CLSTN3: variants seen among roughly 807,000 people sequenced by gnomAD.
The protein encoded by CLSTN3 is calsyntenin-3.
A neutral mutation model predicts 95.9 loss-of-function variants in CLSTN3; 36 were observed. The observed-to-expected ratio is 0.38, with a 90% CI of 0.29 to 0.50. CLSTN3 has a LOEUF of 0.50. Among genes scored for constraint, CLSTN3 ranks in the 20% least tolerant of loss-of-function variants. The probability of loss-of-function intolerance (pLI) is 0.95; values close to 1 mark genes in which losing one functional copy is unlikely to be tolerated. For synonymous variants in CLSTN3, 481 were observed against 504.0 expected, an observed-to-expected ratio of 0.95 and a Z score of 0.61; for missense variants, 1,084 against 1,268.8, an observed-to-expected ratio of 0.85 and a Z score of 2.21.
Position 7,141,975 on chromosome 12 carries a change from T to TGGGC in CLSTN3, c.1487-110_1487-107dup, listed in dbSNP as rs1302234888. 1.1e-5 allele frequency: 9 copies of TGGGC among 795,714 alleles called. 1 individual carries two copies. In the South Asian group the frequency reaches 1.6e-4, roughly 14 times the overall value. The allele number at this position is 795,714 out of a possible 1,614,324, so 49.3% of individuals were successfully genotyped here. On this transcript the variant is annotated intron_variant, in intron 9 of 17. Coordinates refer to ENST00000266546, the MANE Select transcript of CLSTN3 (RefSeq NM_014718.4). The surrounding 1 kb of genome is among the most constrained non-coding windows in gnomAD (Gnocchi z 4.1). ...ACATGGGCAGGGTCAGAATCCCATG[T>TGGGC]GGGCATGAGAGCACTCATGGGGATG...
chr12:7,149,970 C>A lies in CLSTN3; in HGVS notation c.2245+277C>A, dbSNP rs943582803. On this transcript the variant is annotated intron_variant, in intron 14 of 17. Coordinates refer to ENST00000266546, the MANE Select transcript of CLSTN3 (RefSeq NM_014718.4). This position sits in a 1 kb window ranked among gnomAD's most constrained non-coding sequence, Gnocchi z 4.5. Reference sequence around the variant, plus strand: ...GTTTCCATTCAGGCTTCTCACCTTCCTCTCCTCCTTCGGCTCATCTCTGCC... The same window carrying A: ...GTTTCCATTCAGGCTTCTCACCTTCATCTCCTCCTTCGGCTCATCTCTGCC... 2.6e-5 allele frequency among the ~76,000 whole-genome samples: 4 copies of A among 152,212 alleles called. No individual in the cohort carries two copies. The highest frequency in any genetic ancestry group is 9.7e-5 in the African/African-American group (4 of 41,450).
Position 7,133,292 on chromosome 12 carries a change from A to ATTCTTCAGTGGAGAC in CLSTN3, c.187+146_187+147insTTCTTCAGTGGAGAC. 1.9e-6 allele frequency: 2 copies of ATTCTTCAGTGGAGAC among 1,061,058 alleles called. No individual in the cohort carries two copies. Among genetic ancestry groups the ATTCTTCAGTGGAGAC allele is most frequent in the Non-Finnish European group, 2.7e-6 (2 of 735,734 alleles). 65.7% of individuals were successfully genotyped at this position (1,061,058 alleles called of 1,614,324 possible). ...GGGCTCAAGGAGGGGAATGGTCTCCACTGAAGAATGGAGATTGAGTCAAGG... is the reference window on the plus strand; with the variant it reads ...GGGCTCAAGGAGGGGAATGGTCTCCATTCTTCAGTGGAGACCTGAAGAATGGAGATTGAGTCAAGG... On this transcript the variant is annotated intron_variant, in intron 2 of 17. Transcript: ENST00000266546. The surrounding 1 kb of genome is among the most constrained non-coding windows in gnomAD (Gnocchi z 4.7).
intron 6 of CLSTN3, 82 bp from the exon 7 acceptor site, chr12:7,136,747 G>T: frequency 6.7e-7 from 1 of 1,493,242 alleles, no homozygotes; most frequent in Non-Finnish European, 9.2e-7. Flanking sequence ...TTTCCCATCA[G>T]TCCCTCTTTC....
Position 7,141,457 on chromosome 12 carries a change from G to A in CLSTN3, c.1486+53G>A, listed in dbSNP as rs1212023583. ...GTTCAGGATTTGGGAAGGGAGGTAG[G>A]CTGGTGAGGAGCAAGGGCAGTCTGA... On this transcript the variant is annotated intron_variant, in intron 9 of 17. Coordinates refer to ENST00000266546, the MANE Select transcript of CLSTN3 (RefSeq NM_014718.4). The surrounding 1 kb of genome is among the most constrained non-coding windows in gnomAD (Gnocchi z 4.1). 1.1e-5 allele frequency: 18 copies of A among 1,603,758 alleles called. No homozygotes were observed. The East Asian group carries it at 3.3e-4, about 30-fold the overall frequency.
chr12:7,136,968 G>C lies in CLSTN3; in HGVS notation c.1068G>C (p.Leu356=), dbSNP rs367782237. 6.2e-7 allele frequency: 1 copy of C among 1,614,194 alleles called. No homozygotes were observed. The highest frequency in any genetic ancestry group is 8.5e-7 in the Non-Finnish European group (1 of 1,180,026). Reference sequence around the variant, plus strand: ...GCACCCAGGCTGTGCAGGTGCCCCTGGGTGGCCCCAGTGGGCTGGGCTCTG... The same window carrying C: ...GCACCCAGGCTGTGCAGGTGCCCCTCGGTGGCCCCAGTGGGCTGGGCTCTG... ...FNGTQAVQVP[L]GGPSGLGSGP... Residue 356 remains leucine, a synonymous_variant, in exon 7 of 18, where the codon CTG becomes CTC. Transcript: ENST00000266546.
chr12:7,144,232 C>CAAAA (rs754358387), intron 12 of CLSTN3, among the ~76,000 whole-genome samples: 14 of 69,656 alleles, frequency 2.0e-4, no homozygotes, highest in African/African-American at 5.6e-4. Flanking sequence ...GACTCCATCT[C>CAAAA]AAAAAAAAAA....
chr12:7,134,141 G>A (rs926608288), intron 3 of CLSTN3, among the ~76,000 whole-genome samples: 2 of 152,184 alleles, frequency 1.3e-5, no homozygotes, highest in Non-Finnish European at 2.9e-5. Context: ...CCTGATACAC[G>A]TTGAAGGGCA....
At chr12:7,136,701 G>A (rs1219190023) in intron 6 of CLSTN3, 128 bp from the exon 7 acceptor site, 7 of 1,016,790 alleles carry the variant, frequency 6.9e-6, no homozygotes, top group East Asian at 2.4e-5. Flanking sequence ...TCTTTGAAAG[G>A]CCATAAAAGG....
Position 7,142,895 on chromosome 12 carries a change from T to C in CLSTN3, c.1567T>C (p.Phe523Leu), listed in dbSNP as rs141119625. ...QGDPLSIHHY[F>L]HGYLAGFSVR... ...AGACCCTTTGTCGATCCACCACTACTTCCATGGCTACCTGGCTGGTTTCAG... is the reference window on the plus strand; with the variant it reads ...AGACCCTTTGTCGATCCACCACTACCTCCATGGCTACCTGGCTGGTTTCAG... Residue 523 changes from phenylalanine to leucine, a missense_variant, in exon 11 of 18, where the codon TTC becomes CTC. Physicochemically the swap from Phe to Leu is conservative, Grantham distance 22. Transcript: ENST00000266546. The C allele has an allele frequency of 6.2e-7, 1 of 1,614,148 alleles. No homozygotes were observed. The highest frequency in any genetic ancestry group is 8.5e-7 in the Non-Finnish European group (1 of 1,180,010).
At chr12:7,130,139 C>T (rs745888663), upstream of CLSTN3, 141 of 203,948 alleles carry the variant, frequency 6.9e-4, no homozygotes, top group Admixed American at 2.8e-3. Context: ...TTCTTTCTCC[C>T]CACGTCCCTC....
chr12:7,139,455 G>A (rs912752251), intron 8 of CLSTN3, among the ~76,000 whole-genome samples: 1 of 152,168 alleles, frequency 6.6e-6, no homozygotes, highest in East Asian at 1.9e-4. Flanking sequence ...TGGAAAGAGG[G>A]CCAGTGCGGT....
Position 7,149,619 on chromosome 12 carries a change from T to C in CLSTN3, c.2171T>C (p.Leu724Pro), listed in dbSNP as rs749043026. ...GACCTGGATCCCGAGCGGGAAAGCCTGCTCCTGGACACAACCTCTCTGCAG... is the reference window on the plus strand; with the variant it reads ...GACCTGGATCCCGAGCGGGAAAGCCCGCTCCTGGACACAACCTCTCTGCAG... ...GDDLDPERES[L>P]LLDTTSLQQR... The change falls in exon 14 of 18, where the codon CTG becomes CCG. Residue 724 changes from leucine to proline, a missense_variant. Transcript: ENST00000266546. This position sits in a 1 kb window ranked among gnomAD's most constrained non-coding sequence, Gnocchi z 4.5. The C allele has an allele frequency of 2.5e-6, 4 of 1,613,964 alleles. No homozygotes were observed. In the South Asian group the frequency reaches 3.3e-5, roughly 13 times the overall value.
chr12:7,136,780 A>G (rs775254382), intron 6 of CLSTN3, 49 bp from the exon 7 acceptor site: 6 of 1,597,900 alleles, frequency 3.8e-6, no homozygotes, highest in East Asian at 2.2e-5. Context: ...CCTTTTCACC[A>G]TCTGCTGCTT....
Position 7,137,485 on chromosome 12 carries a change from TGGCCCCAACTCCGA to T in CLSTN3, c.1210+380_1210+393del, listed in dbSNP as rs1394752505. Among the ~76,000 whole-genome samples the T allele has an allele frequency of 6.6e-6, 1 of 152,206 alleles. No homozygotes were observed. Among genetic ancestry groups the T allele is most frequent in the African/African-American group, 2.4e-5 (1 of 41,456 alleles). ...TTCATCATCCCATCCTGGGACTGGT[TGGCCCCAACTCCGA>T]GGCCTGTTCTTCCCTCAACTGCAGG... On this transcript the variant is annotated intron_variant, in intron 7 of 17. Coordinates refer to ENST00000266546, the MANE Select transcript of CLSTN3 (RefSeq NM_014718.4). The surrounding 1 kb of genome is among the most constrained non-coding windows in gnomAD (Gnocchi z 4.4).
rs1340422590 is a variant in CLSTN3, at chr12:7,142,136, C to G, written c.1537C>G (p.Gln513Glu). 6.2e-7 allele frequency: 1 copy of G among 1,608,710 alleles called. No individual in the cohort carries two copies. Among genetic ancestry groups the G allele is most frequent in the African/African-American group, 1.3e-5 (1 of 74,642 alleles). ...EKGDNSTDTT[Q>E]GDPLSIHHYF... The stretch of plus-strand genomic sequence containing the variant: ...GGGAGACAACAGTACAGACACCACC[C>G]AAGGTACTCCGTGTGTAAGAACTGG... Residue 513 changes from glutamine to glutamate, a missense_variant, in exon 10 of 18, where the codon CAA becomes GAA. Coordinates refer to ENST00000266546, the MANE Select transcript of CLSTN3 (RefSeq NM_014718.4).
intron 8 of CLSTN3, chr12:7,138,953 G>C (rs930154158): frequency 6.7e-6 from 1 of 149,766 alleles, no homozygotes; most frequent in Non-Finnish European, 1.5e-5. Flanking sequence ...CTCTTTTAAA[G>C]AGACAGTCTG....
rs1308516996 is a variant in CLSTN3, at chr12:7,141,953, T to A, written c.1487-133T>A. The A allele has an allele frequency of 3.0e-6, 2 of 671,996 alleles. No individual in the cohort carries two copies. Among genetic ancestry groups the A allele is most frequent in the Non-Finnish European group, 5.0e-6 (2 of 401,246 alleles). 41.6% of individuals were successfully genotyped at this position (671,996 alleles called of 1,614,324 possible). A position where few individuals can be genotyped will look rare whatever the true frequency, so the allele number is the denominator to read the frequency against. On this transcript the variant is annotated intron_variant, in intron 9 of 17. Coordinates refer to ENST00000266546, the MANE Select transcript of CLSTN3 (RefSeq NM_014718.4). The surrounding 1 kb of genome is among the most constrained non-coding windows in gnomAD (Gnocchi z 4.1). The stretch of plus-strand genomic sequence containing the variant: ...GAGCTGAGAGGTTGCAAGTTATACA[T>A]GGGCAGGGTCAGAATCCCATGTGGG...
rs963297103 is a variant in CLSTN3 at position 7,157,018 on chromosome 12, T to C, written c.2528-471T>C. 8.4e-6 allele frequency: 3 copies of C among 357,522 alleles called. No homozygotes were observed. In the Admixed American group the frequency reaches 1.1e-4, roughly 14 times the overall value. 22.1% of individuals were successfully genotyped at this position (357,522 alleles called of 1,614,324 possible). ...CCTCTTCCTGCAGCCAGCCCAGGCCTGGAGCCTGCATCTCCTCCTGCTCAG... is the reference window on the plus strand; with the variant it reads ...CCTCTTCCTGCAGCCAGCCCAGGCCCGGAGCCTGCATCTCCTCCTGCTCAG... On this transcript the variant is annotated intron_variant, in intron 16 of 17. Transcript: ENST00000266546. The surrounding 1 kb of genome is among the most constrained non-coding windows in gnomAD (Gnocchi z 5.9).
intron 10 of CLSTN3, among the ~76,000 whole-genome samples, 198 bp from the exon 11 acceptor site, chr12:7,142,671 T>TC (rs1042947489): frequency 2.3e-4 from 34 of 148,708 alleles, no homozygotes; most frequent in Non-Finnish European, 4.6e-4. Context: ...TTCTCTAGCC[T>TC]CCCCCCTTAC....
Sources: gnomAD v4.1 joint callset for allele counts (sites outside exome capture counted in the v4.1 genomes callset) on GRCh38, gnomAD v4.1.1 for gene constraint, Gnocchi (gnomAD v3.1) non-coding constraint, MANE v1.5 for transcripts, NCBI Gene and HGNC (gene_info 2026-07-23, HGNC 2026-07-21) for gene names.